The following ANKFY1 variants were observed in gnomAD, a reference collection of about 807,000 sequenced individuals.
The protein encoded by ANKFY1 is ankyrin repeat and FYVE domain containing 1.
In ANKFY1, 47 loss-of-function variants were observed where a neutral mutation model predicts 128.3. The ratio of observed to expected loss-of-function variants is 0.37; its 90% confidence interval spans 0.29 to 0.47. The LOEUF (loss-of-function observed/expected upper bound fraction) is 0.47, where lower values mean the gene tolerates loss of function less well. Among genes scored for constraint, ANKFY1 ranks in the 20% least tolerant of loss-of-function variants. The probability of loss-of-function intolerance (pLI) is 1.00; values close to 1 mark genes in which losing one functional copy is unlikely to be tolerated. For synonymous variants in ANKFY1, 553 were observed against 601.6 expected, an observed-to-expected ratio of 0.92 and a Z score of 1.18; for missense variants, 1,222 against 1,510.6, an observed-to-expected ratio of 0.81 and a Z score of 3.17.
chr17:4,226,437 A>C (rs978126773), intron 3 of ANKFY1, among the ~76,000 whole-genome samples: 8 of 152,224 alleles, frequency 5.3e-5, no homozygotes, highest in African/African-American at 1.7e-4. Context: ...CACAGGACGC[A>C]GCTAGAAGGA....
intron 1 of ANKFY1, chr17:4,249,219 G>T: frequency 1.7e-6 from 1 of 590,448 alleles, no homozygotes. Context: ...GGCTTTGGGA[G>T]CCATACAGTC....
intron 5 of ANKFY1, among the ~76,000 whole-genome samples, chr17:4,209,198 C>G (rs1301348483): frequency 6.6e-6 from 1 of 152,262 alleles, no homozygotes; most frequent in African/African-American, 2.4e-5. Flanking sequence ...GCAGGGCCTG[C>G]TGGCCGTGGA....
intron 9 of ANKFY1, 70 bp from the exon 10 acceptor site, chr17:4,195,247 G>C (rs1472893254): frequency 1.3e-6 from 2 of 1,485,988 alleles, no homozygotes; most frequent in African/African-American, 2.8e-5. Context: ...CAACAACCTG[G>C]TTCTTTCTCT....
At chr17:4,250,292 G>A (rs781358920) in intron 1 of ANKFY1, among the ~76,000 whole-genome samples, 14 of 152,048 alleles carry the variant, frequency 9.2e-5, no homozygotes, top group Admixed American at 2.6e-4. Flanking sequence ...CTATAAACTC[G>A]ACAAGTCCAA....
In ANKFY1 at chr17:4,210,925, A is replaced by G. The variant is rs8080852; in HGVS notation, c.459-978T>C. ...CAGGCGCCTGTAGTCCCAGCTACTC[A>G]GGAGGCTGAGACAGGAGAATTGCTT... On this transcript the variant is annotated intron_variant, in intron 4 of 24. Coordinates refer to ENST00000341657, the MANE Select transcript of ANKFY1 (RefSeq NM_001330063.2). Among the ~76,000 whole-genome samples, 267 of 144,018 alleles carry G rather than the reference A, an allele frequency of 1.9e-3. 1 individual carries two copies. The highest frequency in any genetic ancestry group is 6.7e-3 in the African/African-American group (255 of 38,238). 94.5% of individuals were successfully genotyped at this position (144,018 alleles called of 152,430 possible).
At chr17:4,171,184 T>C (rs2059313483) in intron 22 of ANKFY1, among the ~76,000 whole-genome samples, 2 of 152,258 alleles carry the variant, frequency 1.3e-5, no homozygotes, top group Non-Finnish European at 2.9e-5. Context: ...GAGGGAATCA[T>C]CTACTGTGGT....
At chr17:4,214,989 T>G (rs947901002) in intron 4 of ANKFY1, among the ~76,000 whole-genome samples, 1 of 152,166 alleles carries the variant, frequency 6.6e-6, no homozygotes, top group African/African-American at 2.4e-5. Context: ...ATACATTAAT[T>G]ATCTCTTTAA....
chr17:4,166,708 T>A lies in ANKFY1; in HGVS notation c.*1071A>T, dbSNP rs894635784. 9 of 152,264 alleles carry A rather than the reference T, an allele frequency of 5.9e-5. No homozygotes were observed. The highest frequency in any genetic ancestry group is 1.5e-5 in the Non-Finnish European group (1 of 68,060). 9.4% of individuals were successfully genotyped at this position (152,264 alleles called of 1,614,324 possible). ...CACTCGCAGCATCACTAGGGAGGAT[T>A]TCAGCAAGAAGCATTTGTGTCAAGG... On this transcript the variant is annotated 3_prime_UTR_variant, in exon 25 of 25. Transcript: ENST00000341657.
In ANKFY1 at chr17:4,182,168, G is replaced by C; in HGVS notation, c.2121+13C>G. The C allele has an allele frequency of 6.7e-7, 1 of 1,482,008 alleles. No individual in the cohort carries two copies. The highest frequency in any genetic ancestry group is 1.5e-5 in the South Asian group (1 of 67,722). 91.8% of individuals were successfully genotyped at this position (1,482,008 alleles called of 1,614,324 possible). A position where few individuals can be genotyped will look rare whatever the true frequency, so the allele number is the denominator to read the frequency against. On this transcript the variant is annotated intron_variant, in intron 15 of 24. Coordinates refer to ENST00000341657, the MANE Select transcript of ANKFY1 (RefSeq NM_001330063.2). ...CCATCTGTAAACAGAGGCTAACGTT[G>C]TGCCTGTCTCACCAGAGTGGATGCG...
In ANKFY1 at chr17:4,167,101, C is replaced by T. The variant is rs929293107; in HGVS notation, c.*678G>A. 6.6e-5 allele frequency: 10 copies of T among 152,618 alleles called. No individual in the cohort carries two copies. The highest frequency in any genetic ancestry group is 2.0e-4 in the Admixed American group (3 of 15,278). The allele number at this position is 152,618 out of a possible 1,614,324, so 9.5% of individuals were successfully genotyped here. A position where few individuals can be genotyped will look rare whatever the true frequency, so the allele number is the denominator to read the frequency against. On this transcript the variant is annotated 3_prime_UTR_variant, in exon 25 of 25. Transcript: ENST00000341657. The surrounding 1 kb of genome is among the most constrained non-coding windows in gnomAD (Gnocchi z 4.1). ...GAGACGGCTGCTACGAGGTGTCAAGCGGCCCAGCTGCACTCCTGACACCTC... is the reference window on the plus strand; with the variant it reads ...GAGACGGCTGCTACGAGGTGTCAAGTGGCCCAGCTGCACTCCTGACACCTC...
intron 1 of ANKFY1, chr17:4,249,148 T>C: frequency 1.0e-6 from 1 of 984,952 alleles, no homozygotes; most frequent in Non-Finnish European, 1.2e-6. Context: ...TTTAGAACAC[T>C]CTTCCTTCTA....
At chr17:4,246,485 T>A (rs188800868) in intron 1 of ANKFY1, among the ~76,000 whole-genome samples, 1 of 152,212 alleles carries the variant, frequency 6.6e-6, no homozygotes, top group Non-Finnish European at 1.5e-5. Flanking sequence ...CCAGATGCTA[T>A]GCAAGTCAGC....
intron 8 of ANKFY1, 42 bp downstream of exon 8, chr17:4,197,331 T>C (rs1161564676): frequency 1.9e-6 from 3 of 1,600,764 alleles, no homozygotes; most frequent in Non-Finnish European, 2.6e-6. Flanking sequence ...AGATATCTTC[T>C]GAGAACAGTG....
intron 1 of ANKFY1, among the ~76,000 whole-genome samples, chr17:4,251,720 C>T (rs1307561164): frequency 6.6e-6 from 1 of 151,906 alleles, no homozygotes; most frequent in Non-Finnish European, 1.5e-5. Context: ...AGGCAAGCCA[C>T]AGACTGGGAG....
At chr17:4,263,720 G>T in intron 1 of ANKFY1, 1 of 1,483,764 alleles carries the variant, frequency 6.7e-7, no homozygotes. Flanking sequence ...GCAGTCCCGC[G>T]GGGTCGGCAT....
chr17:4,225,218 G>A (rs1443388402), intron 3 of ANKFY1, among the ~76,000 whole-genome samples: 5 of 152,044 alleles, frequency 3.3e-5, no homozygotes, highest in South Asian at 2.1e-4. Flanking sequence ...GTAGCCGAGC[G>A]TAGTGGTGCA....
intron 11 of ANKFY1, 141 bp from the exon 12 acceptor site, chr17:4,185,187 T>C (rs961919027): frequency 1.6e-5 from 12 of 755,910 alleles, no homozygotes; most frequent in Admixed American, 2.0e-5. Context: ...CTCTTTCTCC[T>C]GAGCCATCGC....
chr17:4,198,853 A>G (rs1233182490), intron 7 of ANKFY1, among the ~76,000 whole-genome samples: 1 of 152,216 alleles, frequency 6.6e-6, no homozygotes, highest in Non-Finnish European at 1.5e-5. Flanking sequence ...CTCTTGGAGT[A>G]TTACAGATAA....
At position 4,187,268 on chromosome 17, in the gene ANKFY1, T is replaced by C. The variant is rs375727184; in HGVS notation, c.1470+2114A>G. On this transcript the variant is annotated intron_variant, in intron 11 of 24. Transcript: ENST00000341657. The stretch of plus-strand genomic sequence containing the variant: ...CTCAAGCATGCGTGTCACAGACTGA[T>C]TCTGCAATTCCTGTGAAACCTGTTC... 46 of 398,840 alleles carry C rather than the reference T, an allele frequency of 1.2e-4. No homozygotes were observed. In the South Asian group the frequency reaches 5.3e-3, roughly 46 times the overall value. 24.7% of individuals were successfully genotyped at this position (398,840 alleles called of 1,614,324 possible).
Sources: allele counts gnomAD v4.1 joint callset (sites outside exome capture counted in the v4.1 genomes callset), GRCh38; gene constraint gnomAD v4.1.1; non-coding constraint Gnocchi (gnomAD v3.1); transcripts MANE v1.5; gene names NCBI Gene and HGNC (gene_info 2026-07-23, HGNC 2026-07-21).